Variants in NEO1 observed in about 807,000 individuals in gnomAD.
NEO1 encodes neogenin 1.
NEO1 carries 63 observed loss-of-function variants against 159.7 expected under a neutral mutation model. That is an observed-to-expected ratio of 0.39 (90% CI 0.32 to 0.49). The LOEUF (loss-of-function observed/expected upper bound fraction) is 0.49, where lower values mean the gene tolerates loss of function less well. Among genes scored for constraint, NEO1 ranks in the 20% least tolerant of loss-of-function variants. The pLI is 0.85. For missense variants in NEO1, 1,615 were observed against 1,831.0 expected (o/e 0.88, Z 2.15); for synonymous variants, 633 against 662.0 (o/e 0.96, Z 0.67).
chr15:73,164,737 T>C (rs1018129956), intron 5 of NEO1, among the ~76,000 whole-genome samples: 1 of 152,196 alleles, frequency 6.6e-6, no homozygotes, highest in Non-Finnish European at 1.5e-5. Context: ...ATGCATATTA[T>C]AGCATTTACC....
rs190285786 is a variant in NEO1, at chr15:73,178,559, T to C, written c.1291+132T>C. On this transcript the variant is annotated intron_variant, in intron 7 of 28. Transcript: ENST00000261908. ...TGTGGCATAGCTAAGAGAAAAAGAA[T>C]AGCAGTCTAAATCATTTCTATTACA... 1,927 of 950,920 alleles carry C rather than the reference T, an allele frequency of 2.0e-3. 2 individuals are homozygous for C. Among genetic ancestry groups the C allele is most frequent in the Non-Finnish European group, 2.6e-3 (1,808 of 686,838 alleles). 58.9% of individuals were successfully genotyped at this position (950,920 alleles called of 1,614,324 possible).
chr15:73,280,814 C>T (rs1201717634), intron 22 of NEO1, among the ~76,000 whole-genome samples: 1 of 152,122 alleles, frequency 6.6e-6, no homozygotes, highest in South Asian at 2.1e-4. Context: ...TAGCACTGTA[C>T]TTAGATGTAG....
intron 7 of NEO1, among the ~76,000 whole-genome samples, chr15:73,216,292 A>T (rs1330309802): frequency 6.6e-6 from 1 of 152,162 alleles, no homozygotes; most frequent in Non-Finnish European, 1.5e-5. Context: ...ATAGTATTCC[A>T]TGGTGTATAT....
chr15:73,059,406 A>G (rs1364039822), intron 1 of NEO1, among the ~76,000 whole-genome samples: 1 of 152,194 alleles, frequency 6.6e-6, no homozygotes, highest in Non-Finnish European at 1.5e-5. Context: ...ATTATTTCAT[A>G]GCGAGAATCC....
intron 1 of NEO1, among the ~76,000 whole-genome samples, chr15:73,088,691 CACAG>C (rs2069504216): frequency 6.6e-6 from 1 of 151,842 alleles, no homozygotes; most frequent in Admixed American, 6.6e-5. Flanking sequence ...CAGTTATAGT[CACAG>C]ACAAAGATGA....
rs1337069078 is a variant in NEO1, at chr15:73,164,398, A to G, written c.1016-12005A>G. 2.0e-5 allele frequency among the ~76,000 whole-genome samples: 3 copies of G among 151,946 alleles called. No individual in the cohort carries two copies. In the South Asian group the frequency reaches 6.2e-4, roughly 32 times the overall value. ...TCAGGTAATTTTTTGTGTTTTTGGT[A>G]GAGACAGGGTTTCACCATGTTGGAC... is the stretch of plus-strand genomic sequence containing the variant. On this transcript the variant is annotated intron_variant, in intron 5 of 28. Transcript: ENST00000261908.
intron 1 of NEO1, among the ~76,000 whole-genome samples, chr15:73,065,449 A>T (rs1410421141): frequency 6.6e-6 from 1 of 152,014 alleles, no homozygotes; most frequent in African/African-American, 2.4e-5. Context: ...CTTCATTTTT[A>T]GATTTTTGTG....
chr15:73,274,808 T>TTTTTTC, intron 21 of NEO1, 84 bp downstream of exon 21: 1 of 1,375,922 alleles, frequency 7.3e-7, no homozygotes, highest in Non-Finnish European at 1.0e-6. Context: ...TTTTTTTTTT[T>TTTTTTC]TTTTCCTGAA....
upstream of NEO1, chr15:73,051,732 C>T (rs2067446325): frequency 6.6e-6 from 1 of 151,824 alleles, no homozygotes; most frequent in South Asian, 2.1e-4. Flanking sequence ...CGCGGCCGGC[C>T]CCCTCCCACG....
chr15:73,070,179 A>G (rs1458763837), intron 1 of NEO1, among the ~76,000 whole-genome samples: 2 of 152,220 alleles, frequency 1.3e-5, no homozygotes, highest in Non-Finnish European at 2.9e-5. Flanking sequence ...ATGCTTTGCC[A>G]TGATGTAGGT....
chr15:73,254,860 C>T (rs2040260728), intron 13 of NEO1, 31 bp downstream of exon 13: 1 of 1,596,958 alleles, frequency 6.3e-7, no homozygotes. Context: ...GCAAAAGGTA[C>T]ACTGTGTCTT....
intron 1 of NEO1, among the ~76,000 whole-genome samples, chr15:73,108,554 C>T (rs181419173): frequency 8.6e-5 from 13 of 151,146 alleles, no homozygotes; most frequent in African/African-American, 2.9e-4. Flanking sequence ...TAAAACAAAA[C>T]AACAAACAAA....
At chr15:73,090,816 ATAT>A (rs1488944145) in intron 1 of NEO1, among the ~76,000 whole-genome samples, 1 of 152,150 alleles carries the variant, frequency 6.6e-6, no homozygotes, top group Non-Finnish European at 1.5e-5. Flanking sequence ...ATATAGTTTC[ATAT>A]TATTTTAAAT....
chr15:73,289,288 G>A (rs745793723), intron 25 of NEO1, 50 bp downstream of exon 25: 5 of 1,453,126 alleles, frequency 3.4e-6, no homozygotes, highest in South Asian at 1.2e-5. Context: ...GTTCAGTCAT[G>A]TAGGGGAACA....
chr15:73,210,384 C>G (rs966371074), intron 7 of NEO1, among the ~76,000 whole-genome samples: 6 of 152,166 alleles, frequency 3.9e-5, no homozygotes, highest in African/African-American at 1.4e-4. Flanking sequence ...ATCCAGAAGG[C>G]AAGTTGGGCC....
intron 5 of NEO1, among the ~76,000 whole-genome samples, chr15:73,139,312 G>A (rs1164459086): frequency 2.0e-5 from 3 of 151,964 alleles, no homozygotes; most frequent in African/African-American, 7.3e-5. Flanking sequence ...GGCAACGAAA[G>A]CAAAAATAGA....
chr15:73,082,457 G>A (rs1295795815), intron 1 of NEO1, among the ~76,000 whole-genome samples: 1 of 152,048 alleles, frequency 6.6e-6, no homozygotes, highest in Non-Finnish European at 1.5e-5. Context: ...CTTTTGAGAA[G>A]AGAAGATTGC....
In NEO1 at chr15:73,302,691, G is replaced by C. The variant is rs1797034958; in HGVS notation, c.4381G>C (p.Ala1461Pro). The change falls in exon 29 of 29, where the codon GCA becomes CCA. Residue 1461 changes from alanine (A) to proline (P), a missense_variant. This residue lies in a region of NEO1 where 471 missense variants were observed against 498.9 expected (regional missense o/e 0.94). Coordinates refer to ENST00000261908, the MANE Select transcript of NEO1 (RefSeq NM_002499.4). ...LMKDLNAITT[A>P] ...GAAGGACCTAAACGCTATCACAACA[G>C]CATGACGACCTTCACCAGGACCTGA... 2 of 1,613,644 alleles carry C rather than the reference G, an allele frequency of 1.2e-6. No homozygotes were observed. Among genetic ancestry groups the C allele is most frequent in the Admixed American group, 3.3e-5 (2 of 59,972 alleles).
rs181518370 is a variant in NEO1, at chr15:73,223,277, T to C, written c.1292-13070T>C. On this transcript the variant is annotated intron_variant, in intron 7 of 28. Coordinates refer to ENST00000261908, the MANE Select transcript of NEO1 (RefSeq NM_002499.4). Reference sequence around the variant, plus strand: ...TCTGTGGTTGTTGGATGAAATGTTCTGTATATATCTGTTAAGTCCATTTGT... The same window carrying C: ...TCTGTGGTTGTTGGATGAAATGTTCCGTATATATCTGTTAAGTCCATTTGT... Among the ~76,000 whole-genome samples the C allele has an allele frequency of 3.3e-3, 506 of 152,148 alleles. 2 individuals are homozygous for C. Among genetic ancestry groups the C allele is most frequent in the Non-Finnish European group, 5.2e-3 (355 of 67,986 alleles).
Sources: allele counts gnomAD v4.1 joint callset (sites outside exome capture counted in the v4.1 genomes callset), GRCh38; gene constraint gnomAD v4.1.1; regional missense constraint gnomAD v4.1.1; transcripts MANE v1.5; gene names NCBI Gene and HGNC (gene_info 2026-07-23, HGNC 2026-07-21).